ITIH5: variants seen among roughly 807,000 people sequenced by gnomAD.
The protein encoded by ITIH5 is inter-alpha-trypsin inhibitor heavy chain H5.
ITIH5 carries 65 observed loss-of-function variants against 77.5 expected under a neutral mutation model. The observed-to-expected ratio is 0.84, with a 90% CI of 0.69 to 1.03. ITIH5 has a LOEUF of 1.03. Ranked by LOEUF, ITIH5 falls within the 50% of genes least tolerant of loss-of-function variation. ITIH5 has a pLI of 0.00. For missense variants in ITIH5, 1,208 were observed against 1,213.1 expected (o/e 1.00, Z 0.06); for synonymous variants, 525 against 494.3 (o/e 1.06, Z -0.82).
chr10:7,600,562 G>A (rs1247074329), intron 7 of ITIH5: 2 of 456,556 alleles, frequency 4.4e-6, no homozygotes, highest in Non-Finnish European at 8.8e-6. Flanking sequence ...AGTTACACGT[G>A]CACCTAGAAG....
intron 5 of ITIH5, among the ~76,000 whole-genome samples, chr10:7,633,872 GA>G (rs1321133921): frequency 1.3e-5 from 2 of 151,796 alleles, no homozygotes; most frequent in Non-Finnish European, 2.9e-5. Flanking sequence ...GGCGGATCAC[GA>G]GGTCAGGAGA....
intron 7 of ITIH5, among the ~76,000 whole-genome samples, chr10:7,597,540 T>G (rs1050723641): frequency 7.1e-6 from 1 of 141,704 alleles, no homozygotes; most frequent in Non-Finnish European, 1.6e-5. Flanking sequence ...CACAGCATGG[T>G]CCCAAGTCAC....
intron 5 of ITIH5, among the ~76,000 whole-genome samples, chr10:7,623,349 C>A (rs1263791810): frequency 1.3e-5 from 2 of 152,108 alleles, no homozygotes. Flanking sequence ...TGGGATCCAA[C>A]GAGGCAATTT....
At chr10:7,624,834 C>CACATATAT in intron 5 of ITIH5, among the ~76,000 whole-genome samples, 1 of 64,630 alleles carries the variant, frequency 1.5e-5, no homozygotes, top group South Asian at 4.7e-4. Context: ...TGTGTATATA[C>CACATATAT]ATGTATATAC....
Position 7,616,080 on chromosome 10 carries a change from CA to C in ITIH5, c.840del (p.Phe280LeufsTer68). 6.2e-7 allele frequency: 1 copy of C among 1,606,828 alleles called. No individual in the cohort carries two copies. The highest frequency in any genetic ancestry group is 2.2e-5 in the East Asian group (1 of 44,846). ...AGGTCTTTAGGAGCAAAGTAGTGCA[CA>C]AAATAGCCATTTAGAACCTGGTGGA... ...IGDIQVLNGY[F>X]VHYFAPKDLP... is the part of the protein sequence containing the mutation. On this transcript the variant is annotated frameshift_variant, in exon 7 of 14. Coordinates refer to ENST00000397146, the MANE Select transcript of ITIH5 (RefSeq NM_030569.7). LOFTEE classifies it high-confidence loss of function.
rs774287532 is a variant in ITIH5, at chr10:7,563,414, C to T, written c.2528-30G>A. 6.9e-6 allele frequency: 11 copies of T among 1,591,078 alleles called. No homozygotes were observed. The African/African-American group carries it at 1.2e-4, about 18-fold the overall frequency. On this transcript the variant is annotated intron_variant, in intron 13 of 13. Transcript: ENST00000397146. Reference sequence around the variant, plus strand: ...GAGGACAAGGAAAAGCATCGGGTCTCAGTCAAATGCAGAAACCTCGTGCTG... The same window carrying T: ...GAGGACAAGGAAAAGCATCGGGTCTTAGTCAAATGCAGAAACCTCGTGCTG...
At chr10:7,666,231 C>A (rs1471011739) in intron 1 of ITIH5, among the ~76,000 whole-genome samples, 1 of 152,100 alleles carries the variant, frequency 6.6e-6, no homozygotes, top group Non-Finnish European at 1.5e-5. Context: ...ACATTTGAAA[C>A]ACAAATCCTG....
intron 7 of ITIH5, among the ~76,000 whole-genome samples, chr10:7,601,805 C>T (rs994675348): frequency 3.3e-5 from 5 of 152,174 alleles, no homozygotes; most frequent in African/African-American, 1.2e-4. Flanking sequence ...TGATCACATG[C>T]ATATCACCCA....
chr10:7,624,537 G>T (rs1833526731), intron 5 of ITIH5, among the ~76,000 whole-genome samples: 1 of 150,468 alleles, frequency 6.6e-6, no homozygotes, highest in South Asian at 2.1e-4. Flanking sequence ...GCATTATCAG[G>T]CCAGGCACGG....
intron 8 of ITIH5, among the ~76,000 whole-genome samples, chr10:7,581,069 C>T (rs1024027859): frequency 5.9e-5 from 9 of 151,926 alleles, no homozygotes; most frequent in South Asian, 2.1e-4. Flanking sequence ...AGACCAGCCT[C>T]GCTAACATGG....
intron 3 of ITIH5, among the ~76,000 whole-genome samples, chr10:7,641,321 C>T (rs1047046160): frequency 6.6e-6 from 1 of 152,096 alleles, no homozygotes; most frequent in African/African-American, 2.4e-5. Context: ...CCCAGATCTC[C>T]CTAACTGAAG....
chr10:7,650,489 A>C (rs1834080566), intron 2 of ITIH5, among the ~76,000 whole-genome samples: 1 of 152,118 alleles, frequency 6.6e-6, no homozygotes. Flanking sequence ...TAATCCCAGC[A>C]CTTTGGGGGT....
intron 2 of ITIH5, among the ~76,000 whole-genome samples, chr10:7,644,349 CATATATATCAT>C (rs1191557187): frequency 3.4e-5 from 5 of 145,822 alleles, no homozygotes; most frequent in South Asian, 2.1e-4. Flanking sequence ...ACATATATCA[CATATATATCAT>C]ATATATCACA....
At chr10:7,569,495 G>A (rs1564234211) in intron 12 of ITIH5, 173 bp downstream of exon 12, 1 of 451,330 alleles carries the variant, frequency 2.2e-6, no homozygotes, top group Non-Finnish European at 3.9e-6. Flanking sequence ...CATAAAGCAG[G>A]GAGTCGGATG....
At chr10:7,597,785 G>A (rs1322131454) in intron 7 of ITIH5, among the ~76,000 whole-genome samples, 1 of 152,154 alleles carries the variant, frequency 6.6e-6, no homozygotes, top group Non-Finnish European at 1.5e-5. Flanking sequence ...AGTATTACAA[G>A]ATTACAAAAA....
At chr10:7,653,902 C>A (rs962275114) in intron 2 of ITIH5, among the ~76,000 whole-genome samples, 7 of 152,140 alleles carry the variant, frequency 4.6e-5, no homozygotes, top group African/African-American at 1.7e-4. Flanking sequence ...CGCCTGTAAT[C>A]CCAACACTTT....
chr10:7,566,641 G>A (rs868661270), intron 12 of ITIH5, among the ~76,000 whole-genome samples: 4 of 147,842 alleles, frequency 2.7e-5, no homozygotes, highest in Admixed American at 2.0e-4. Flanking sequence ...GAGTTCCCTT[G>A]AGGCCAGGAG....
In ITIH5 at chr10:7,560,009, G is replaced by A. The variant is rs952984026; in HGVS notation, c.*3074C>T. 12 of 349,002 alleles carry A rather than the reference G, an allele frequency of 3.4e-5. No homozygotes were observed. The highest frequency in any genetic ancestry group is 6.1e-5 in the Non-Finnish European group (11 of 180,356). 21.6% of individuals were successfully genotyped at this position (349,002 alleles called of 1,614,324 possible). On this transcript the variant is annotated 3_prime_UTR_variant, in exon 14 of 14. Coordinates refer to ENST00000397146, the MANE Select transcript of ITIH5 (RefSeq NM_030569.7). ...TGGAACTACAGGCACGCACCACCAC[G>A]CCCAGCTAATTTTTGTATTTTTAGT...
Position 7,577,812 on chromosome 10 carries a change from T to C in ITIH5, c.1419-800A>G, listed in dbSNP as rs750169393. ...ACCTCTCTGAACTTGAGTTTCCTTA[T>C]CTAGAAAATCAGGATGTAAACAGTA... On this transcript the variant is annotated intron_variant, in intron 9 of 13. Transcript: ENST00000397146. Among the ~76,000 whole-genome samples, 17 of 152,326 alleles carry C rather than the reference T, an allele frequency of 1.1e-4. 1 individual carries two copies. The South Asian group carries it at 1.2e-3, about 11-fold the overall frequency.
Sources: allele counts gnomAD v4.1 joint callset (sites outside exome capture counted in the v4.1 genomes callset), GRCh38; gene constraint gnomAD v4.1.1; transcripts MANE v1.5; gene names NCBI Gene and HGNC (gene_info 2026-07-23, HGNC 2026-07-21).